PRDM16: variants seen among roughly 807,000 people sequenced by gnomAD.
The protein encoded by PRDM16 is histone-lysine N-methyltransferase PRDM16.
PRDM16 carries 23 observed loss-of-function variants against 110.6 expected under a neutral mutation model. The ratio of observed to expected loss-of-function variants is 0.21; its 90% CI spans 0.15 to 0.29. The LOEUF is 0.29. PRDM16 is among the 10% of genes least tolerant of loss of function. PRDM16 has a pLI of 1.00. For synonymous variants in PRDM16, 799 were observed against 781.8 expected (o/e 1.02, Z -0.37); for missense variants, 1,615 against 1,794.3 (o/e 0.90, Z 1.81).
chr1:3,333,061 T>C (rs988953872), intron 3 of PRDM16, among the ~76,000 whole-genome samples: 4 of 152,248 alleles, frequency 2.6e-5, no homozygotes, highest in Non-Finnish European at 5.9e-5. Context: ...TGCCTGTTTT[T>C]GTCTGAACAC....
At chr1:3,377,807 G>C (rs1277079760) in intron 3 of PRDM16, among the ~76,000 whole-genome samples, 1 of 152,224 alleles carries the variant, frequency 6.6e-6, no homozygotes, top group Non-Finnish European at 1.5e-5. Flanking sequence ...GCTCCCTCCT[G>C]TGTTCATTGA....
intron 3 of PRDM16, among the ~76,000 whole-genome samples, chr1:3,292,077 G>T (rs909231176): frequency 1.3e-5 from 2 of 151,886 alleles, no homozygotes; most frequent in African/African-American, 4.8e-5. Context: ...CAAGGCTGGC[G>T]GAGAGGGCAG....
At chr1:3,134,308 C>A (rs1176095025) in intron 1 of PRDM16, among the ~76,000 whole-genome samples, 1 of 152,210 alleles carries the variant, frequency 6.6e-6, no homozygotes, top group Non-Finnish European at 1.5e-5. Context: ...CCGCTTGATT[C>A]TTGAAGAGAG....
Position 3,412,562 on chromosome 1 carries a change from C to G in PRDM16, c.2365C>G (p.Pro789Ala). 6.2e-7 allele frequency: 1 copy of G among 1,610,382 alleles called. No homozygotes were observed. Among genetic ancestry groups the G allele is most frequent in the Non-Finnish European group, 8.5e-7 (1 of 1,179,008 alleles). ...PKDVKPILPM[P>A]KGPSAPASGE... is the part of the protein sequence containing the mutation. ...AGACGTGAAGCCCATCCTGCCCATGCCCAAGGGCCCCTCGGCCCCCGCATC... is the reference window on the plus strand; with the variant it reads ...AGACGTGAAGCCCATCCTGCCCATGGCCAAGGGCCCCTCGGCCCCCGCATC... Residue 789 changes from proline to alanine, a missense_variant, in exon 9 of 17, where the codon CCC becomes GCC. Transcript: ENST00000270722.
At chr1:3,136,227 C>A (rs998621618) in intron 1 of PRDM16, among the ~76,000 whole-genome samples, 2 of 152,238 alleles carry the variant, frequency 1.3e-5, no homozygotes, top group African/African-American at 4.8e-5. Context: ...TGCAGCGTAG[C>A]TGAAGTGGAA....
Position 3,224,507 on chromosome 1 carries a change from C to T in PRDM16, c.388-19580C>T, listed in dbSNP as rs539062976. Among the ~76,000 whole-genome samples the T allele has an allele frequency of 2.6e-5, 4 of 152,162 alleles. No homozygotes were observed. In the East Asian group the frequency reaches 5.8e-4, roughly 22 times the overall value. Reference sequence around the variant, plus strand: ...CTCTCTCTCCCTCTCCCCTTCTGCACGCACCCACAGCCACTCTCTCTCCCT... The same window carrying T: ...CTCTCTCTCCCTCTCCCCTTCTGCATGCACCCACAGCCACTCTCTCTCCCT... On this transcript the variant is annotated intron_variant, in intron 2 of 16. Transcript: ENST00000270722.
rs962248160 is a variant in PRDM16, at chr1:3,425,300, G to C, written c.2940-281G>C. On this transcript the variant is annotated intron_variant, in intron 12 of 16. Transcript: ENST00000270722. This position sits in a 1 kb window ranked among gnomAD's most constrained non-coding sequence, Gnocchi z 6.9. ...TCACCATGTCAGCCAGGATGGTCTC[G>C]ATCTCCTGACCTCGTGATCCACCCG... is the stretch of plus-strand genomic sequence containing the variant. 2.1e-5 allele frequency: 6 copies of C among 279,760 alleles called. No individual in the cohort carries two copies. Among genetic ancestry groups the C allele is most frequent in the South Asian group, 1.3e-4 (2 of 15,428 alleles). 17.3% of individuals were successfully genotyped at this position (279,760 alleles called of 1,614,324 possible). A position where few individuals can be genotyped will look rare whatever the true frequency, so the allele number is the denominator to read the frequency against.
intron 3 of PRDM16, among the ~76,000 whole-genome samples, chr1:3,327,976 G>C (rs1368805510): frequency 6.6e-6 from 1 of 152,238 alleles, no homozygotes; most frequent in East Asian, 1.9e-4. Flanking sequence ...GGAAAATGCT[G>C]GGTTTTCTCA....
At chr1:3,242,468 A>G (rs986827194) in intron 2 of PRDM16, among the ~76,000 whole-genome samples, 16 of 152,222 alleles carry the variant, frequency 1.1e-4, no homozygotes, top group Non-Finnish European at 2.2e-4. Context: ...GGGATGGCCA[A>G]ACGGTCCTCC....
At chr1:3,406,198 AG>A (rs1643559047) in intron 8 of PRDM16, among the ~76,000 whole-genome samples, 1 of 152,186 alleles carries the variant, frequency 6.6e-6, no homozygotes, top group Admixed American at 6.5e-5. Context: ...GGGAGGAGAC[AG>A]GCAAGCCAGA....
chr1:3,391,977 CATCACAGCGCTTTCCCA>C (rs1643308464), intron 4 of PRDM16, among the ~76,000 whole-genome samples: 1 of 152,230 alleles, frequency 6.6e-6, no homozygotes, highest in Non-Finnish European at 1.5e-5. Context: ...GCTCGGGGAT[CATCACAGCGCTTTCCCA>C]CACTCACAGC....
At position 3,382,305 on chromosome 1, in the gene PRDM16, G is replaced by A. The variant is rs931063484; in HGVS notation, c.439-2847G>A. Among the ~76,000 whole-genome samples the A allele has an allele frequency of 2.6e-5, 4 of 152,202 alleles. No homozygotes were observed. Among genetic ancestry groups the A allele is most frequent in the Admixed American group, 6.5e-5 (1 of 15,288 alleles). On this transcript the variant is annotated intron_variant, in intron 3 of 16. Coordinates refer to ENST00000270722, the MANE Select transcript of PRDM16 (RefSeq NM_022114.4). This position sits in a 1 kb window ranked among gnomAD's most constrained non-coding sequence, Gnocchi z 6.6. ...GGCAAGAGATGGGGTGCAATGGGGC[G>A]GGCTGCTGAGTCTGTGGTTCTTGGA...
intron 3 of PRDM16, among the ~76,000 whole-genome samples, chr1:3,294,812 G>C (rs575792298): frequency 7.0e-4 from 106 of 152,342 alleles, no homozygotes; most frequent in African/African-American, 2.5e-3. Flanking sequence ...CTGATCACGG[G>C]CACGGCCAAT....
intron 1 of PRDM16, among the ~76,000 whole-genome samples, chr1:3,106,598 C>T (rs1281480562): frequency 1.3e-5 from 2 of 152,070 alleles, no homozygotes; most frequent in East Asian, 1.9e-4. Flanking sequence ...GGTGTGGGTG[C>T]GCTGGGTGGC....
intron 1 of PRDM16, among the ~76,000 whole-genome samples, chr1:3,150,420 G>A (rs904071285): frequency 5.3e-5 from 8 of 151,486 alleles, no homozygotes; most frequent in Non-Finnish European, 7.4e-5. Context: ...TCAGCTGGGC[G>A]TGGTGGCCCG....
At chr1:3,114,185 GCA>G (rs58141966) in intron 1 of PRDM16, among the ~76,000 whole-genome samples, 2,735 of 80,160 alleles carry the variant, frequency 0.034, 98 homozygotes, top group African/African-American at 0.13. Flanking sequence ...GCACACACAC[GCA>G]CACACGCACA....
Position 3,258,244 on chromosome 1 carries a change from C to G in PRDM16, c.438+14107C>G, listed in dbSNP as rs931489554. 5.9e-5 allele frequency among the ~76,000 whole-genome samples: 9 copies of G among 152,168 alleles called. 1 individual carries two copies. The highest frequency in any genetic ancestry group is 1.5e-5 in the Non-Finnish European group (1 of 68,040). On this transcript the variant is annotated intron_variant, in intron 3 of 16. Transcript: ENST00000270722. ...CTGTACTTTGCAGATTCTGAGGAGT[C>G]CCTTCTCAGGGCTATTCCTCTTCTC... is the stretch of plus-strand genomic sequence containing the variant.
chr1:3,402,467 C>T (rs1035172698), intron 5 of PRDM16, among the ~76,000 whole-genome samples: 1 of 152,266 alleles, frequency 6.6e-6, no homozygotes, highest in Non-Finnish European at 1.5e-5. Flanking sequence ...CTTCCTCCTC[C>T]ACTCCCGAGC....
At chr1:3,247,630 G>A (rs1429315133) in intron 3 of PRDM16, among the ~76,000 whole-genome samples, 1 of 152,244 alleles carries the variant, frequency 6.6e-6, no homozygotes, top group Non-Finnish European at 1.5e-5. Context: ...CTCACACCCT[G>A]GTCTCTGCGC....
Sources: allele counts gnomAD v4.1 joint callset (sites outside exome capture counted in the v4.1 genomes callset), GRCh38; gene constraint gnomAD v4.1.1; non-coding constraint Gnocchi (gnomAD v3.1); transcripts MANE v1.5; gene names NCBI Gene and HGNC (gene_info 2026-07-23, HGNC 2026-07-21).